HMG20A: variants seen among roughly 807,000 people sequenced by gnomAD.
The protein encoded by HMG20A is high mobility group protein 20A.
A neutral mutation model predicts 43.9 loss-of-function variants in HMG20A; 17 were observed. That is an observed-to-expected ratio of 0.39 (90% CI 0.27 to 0.58). The LOEUF (loss-of-function observed/expected upper bound fraction) is 0.58, where lower values mean the gene tolerates loss of function less well. HMG20A is among the 20% of genes least tolerant of loss of function. The pLI is 0.59. For synonymous variants in HMG20A, 132 were observed against 147.5 expected, an observed-to-expected ratio of 0.89 and a Z score of 0.76; for missense variants, 341 against 438.2, an observed-to-expected ratio of 0.78 and a Z score of 1.98.
At chr15:77,436,151 T>A (rs888958919) in intron 1 of HMG20A, among the ~76,000 whole-genome samples, 6 of 152,208 alleles carry the variant, frequency 3.9e-5, no homozygotes, top group Non-Finnish European at 7.3e-5. Flanking sequence ...TACTTCTACA[T>A]CTCGAGTATT....
At chr15:77,463,813 AG>A (rs1449674219) in intron 2 of HMG20A, among the ~76,000 whole-genome samples, 7 of 152,234 alleles carry the variant, frequency 4.6e-5, no homozygotes, top group African/African-American at 1.7e-4. Context: ...ACACCCTTTA[AG>A]ACCTCTTTTG....
chr15:77,503,209 AGCTTATGG>A, the HMG20A span, among the ~76,000 whole-genome samples: 1 of 152,114 alleles, frequency 6.6e-6, no homozygotes, highest in Non-Finnish European at 1.5e-5. Context: ...CAACTGCTAG[AGCTTATGG>A]GGAGAGGGGG....
At chr15:77,438,137 ATTTTT>A (rs34192592) in intron 1 of HMG20A, among the ~76,000 whole-genome samples, 1 of 113,454 alleles carries the variant, frequency 8.8e-6, no homozygotes, top group Non-Finnish European at 1.8e-5. Context: ...TTTAGTTTTA[ATTTTT>A]TTTTTTTTTT....
chr15:77,487,587 A>G (rs1426098239), downstream of HMG20A, among the ~76,000 whole-genome samples: 1 of 152,216 alleles, frequency 6.6e-6, no homozygotes, highest in East Asian at 1.9e-4. Flanking sequence ...AAAAATCAAC[A>G]TAAACAGGTG....
At chr15:77,421,789 G>T (rs1443914370) in intron 1 of HMG20A, among the ~76,000 whole-genome samples, 1 of 152,216 alleles carries the variant, frequency 6.6e-6, no homozygotes. Flanking sequence ...CCCTGTGCCT[G>T]AGAACAGCTT....
chr15:77,422,833 TGGTTATTAATA>T (rs1359229962), intron 1 of HMG20A, among the ~76,000 whole-genome samples: 2 of 152,172 alleles, frequency 1.3e-5, no homozygotes, highest in African/African-American at 2.4e-5. Flanking sequence ...ATTGTCTTTG[TGGTTATTAATA>T]GGTTAGGAAC....
intron 6 of HMG20A, among the ~76,000 whole-genome samples, chr15:77,475,790 A>T (rs969442382): frequency 6.6e-6 from 1 of 152,184 alleles, no homozygotes; most frequent in Non-Finnish European, 1.5e-5. Context: ...GCCACTGCGA[A>T]ATATGGCTAA....
At chr15:77,443,247 G>A (rs1595916900) in intron 1 of HMG20A, among the ~76,000 whole-genome samples, 1 of 148,870 alleles carries the variant, frequency 6.7e-6, no homozygotes, top group Admixed American at 6.7e-5. Context: ...TGTCCAGGCT[G>A]GTTTTGAACT....
intron 6 of HMG20A, among the ~76,000 whole-genome samples, chr15:77,472,427 A>G (rs1595929944): frequency 6.6e-6 from 1 of 152,154 alleles, no homozygotes; most frequent in South Asian, 2.1e-4. Context: ...GGCTCGTGCC[A>G]TCATACCCGG....
chr15:77,441,080 C>T (rs1343743855), intron 1 of HMG20A, among the ~76,000 whole-genome samples: 2 of 152,102 alleles, frequency 1.3e-5, no homozygotes, highest in African/African-American at 2.4e-5. Flanking sequence ...ACCATACTAC[C>T]TGCTTTATTT....
At chr15:77,449,722 T>TCC (rs1379963355) in intron 1 of HMG20A, among the ~76,000 whole-genome samples, 2 of 151,514 alleles carry the variant, frequency 1.3e-5, no homozygotes, top group African/African-American at 4.9e-5. Flanking sequence ...ATATTCCCTG[T>TCC]CCCCCCACAC....
downstream of HMG20A, among the ~76,000 whole-genome samples, chr15:77,489,862 A>G (rs934145605): frequency 6.6e-6 from 1 of 152,274 alleles, no homozygotes; most frequent in Admixed American, 6.5e-5. Context: ...GTTGCAAGGC[A>G]GGCAATAGCA....
the HMG20A span, among the ~76,000 whole-genome samples, chr15:77,519,025 C>T: frequency 2.0e-5 from 3 of 152,200 alleles, no homozygotes; most frequent in African/African-American, 4.8e-5. Context: ...TGTCTATACC[C>T]CATTTCCTTT....
intron 1 of HMG20A, among the ~76,000 whole-genome samples, chr15:77,424,257 G>T (rs893799596): frequency 6.6e-6 from 1 of 152,102 alleles, no homozygotes; most frequent in African/African-American, 2.4e-5. Context: ...TGTTAAATAT[G>T]CAGTCCCTTT....
the HMG20A span, among the ~76,000 whole-genome samples, chr15:77,492,688 G>A: frequency 1.3e-5 from 2 of 152,064 alleles, no homozygotes; most frequent in South Asian, 4.1e-4. Flanking sequence ...AGGCATGATG[G>A]GGCTCCAAGA....
chr15:77,475,022 A>G (rs1307177997), intron 6 of HMG20A, among the ~76,000 whole-genome samples: 2 of 152,166 alleles, frequency 1.3e-5, no homozygotes, highest in African/African-American at 4.8e-5. Flanking sequence ...TCTATATCTC[A>G]TGTGAAAACT....
chr15:77,479,575 GTC>G (rs1002978692), intron 9 of HMG20A: 7 of 326,708 alleles, frequency 2.1e-5, no homozygotes, highest in African/African-American at 1.5e-4. Flanking sequence ...GAGAGATCCT[GTC>G]TCTAAAAATA....
chr15:77,506,932 T>C, the HMG20A span, among the ~76,000 whole-genome samples: 190 of 152,374 alleles, frequency 1.2e-3, no homozygotes, highest in African/African-American at 4.5e-3. Flanking sequence ...GTGTGGTTCA[T>C]GCTATGTGTC....
intron 6 of HMG20A, among the ~76,000 whole-genome samples, chr15:77,472,230 G>A (rs1206845708): frequency 2.0e-5 from 3 of 152,012 alleles, no homozygotes; most frequent in East Asian, 3.9e-4. Context: ...CTACAATGTC[G>A]ATAGAGCACA....
Sources: allele counts gnomAD v4.1 joint callset (sites outside exome capture counted in the v4.1 genomes callset), GRCh38; gene constraint gnomAD v4.1.1; transcripts MANE v1.5; gene names NCBI Gene and HGNC (gene_info 2026-07-23, HGNC 2026-07-21).